Variants in TPO observed in about 807,000 individuals in gnomAD.
TPO encodes thyroid peroxidase, also known as thyroid microsomal antigen.
Under a neutral mutation model 96.9 loss-of-function variants are expected in TPO, and 78 were observed. The ratio of observed to expected loss-of-function variants is 0.81; its 90% CI spans 0.67 to 0.97. The LOEUF (loss-of-function observed/expected upper bound fraction) is 0.97, where lower values mean the gene tolerates loss of function less well. Ranked by LOEUF, TPO falls within the 50% of genes least tolerant of loss-of-function variation. TPO has a pLI of 0.00. For missense variants in TPO, 1,252 were observed against 1,274.8 expected (o/e 0.98, Z 0.27); for synonymous variants, 547 against 538.0 (o/e 1.02, Z -0.23).
At chr2:1,517,133 T>C (rs1380486157) in intron 15 of TPO, 151 bp downstream of exon 15, 2 of 789,950 alleles carry the variant, frequency 2.5e-6, no homozygotes, top group African/African-American at 1.7e-5. Flanking sequence ...TTGTACAACG[T>C]AATAGACTCT....
At chr2:1,523,650 A>C (rs1332406477) in intron 15 of TPO, among the ~76,000 whole-genome samples, 24 of 30,100 alleles carry the variant, frequency 8.0e-4, no homozygotes, top group Admixed American at 1.5e-3. Context: ...ATCACCCCCC[A>C]CTGTGTTCAA....
chr2:1,494,472 C>T (rs1281300618), intron 11 of TPO, among the ~76,000 whole-genome samples: 3 of 152,216 alleles, frequency 2.0e-5, no homozygotes, highest in African/African-American at 7.2e-5. Flanking sequence ...CAGGACTTCC[C>T]GGCCCCCCAG....
intron 15 of TPO, among the ~76,000 whole-genome samples, chr2:1,534,026 C>G (rs1264305522): frequency 1.2e-4 from 10 of 80,932 alleles, no homozygotes; most frequent in African/African-American, 3.5e-4. Flanking sequence ...CCCCCCCAAT[C>G]TGTGCAACCT....
intron 14 of TPO, among the ~76,000 whole-genome samples, chr2:1,509,974 G>C (rs965052876): frequency 2.6e-5 from 4 of 151,014 alleles, no homozygotes; most frequent in African/African-American, 9.8e-5. Flanking sequence ...ATACCCTCTC[G>C]TTTCAGGGAC....
intron 13 of TPO, among the ~76,000 whole-genome samples, chr2:1,497,729 T>C (rs1672498498): frequency 6.6e-6 from 1 of 152,078 alleles, no homozygotes; most frequent in South Asian, 2.1e-4. Context: ...AGAGGAAAGT[T>C]GGCATCAGAC....
At chr2:1,429,948 T>G (rs1664812778) in intron 3 of TPO, among the ~76,000 whole-genome samples, 1 of 152,188 alleles carries the variant, frequency 6.6e-6, no homozygotes, top group African/African-American at 2.4e-5. Flanking sequence ...GCTAGCCACT[T>G]GATAGAAAAC....
chr2:1,471,234 A>G (rs1394552819), intron 7 of TPO, among the ~76,000 whole-genome samples: 8 of 152,170 alleles, frequency 5.3e-5, no homozygotes, highest in Non-Finnish European at 1.5e-5. Context: ...CTGGGGTGGC[A>G]GATCTTTGGT....
rs138861563 is a variant in TPO at position 1,505,622 on chromosome 2, TA to T, written c.2518+1552del. ...TGTTGTTGTTTGTTTTTATTTCTTCTAAAAAAAAAGTGATAAATGATGTGAA... is the reference window on the plus strand; with the variant it reads ...TGTTGTTGTTTGTTTTTATTTCTTCTAAAAAAAAGTGATAAATGATGTGAA... On this transcript the variant is annotated intron_variant, in intron 14 of 16. Transcript: ENST00000329066. Among the ~76,000 whole-genome samples the T allele has an allele frequency of 6.9e-4, 104 of 149,960 alleles. 2 individuals are homozygous for T. Among genetic ancestry groups the T allele is most frequent in the East Asian group, 1.6e-3 (8 of 5,086 alleles).
chr2:1,494,480 C>T (rs28991275), intron 11 of TPO, among the ~76,000 whole-genome samples: 6,297 of 152,318 alleles, frequency 0.041, 174 homozygotes, highest in East Asian at 0.11. Context: ...CCCGGCCCCC[C>T]AGACCCCACC....
intron 7 of TPO, among the ~76,000 whole-genome samples, chr2:1,469,851 C>T (rs76218924): frequency 0.036 from 5,524 of 152,304 alleles, 149 homozygotes; most frequent in East Asian, 0.12. Flanking sequence ...CCGCTTTCTT[C>T]AGAGGGTCTG....
chr2:1,516,818 C>A, intron 14 of TPO, 65 bp from the exon 15 acceptor site: 1 of 1,490,390 alleles, frequency 6.7e-7, no homozygotes, highest in Non-Finnish European at 9.3e-7. Flanking sequence ...CAGACTCAGG[C>A]AGGACAACCT....
intron 1 of TPO, among the ~76,000 whole-genome samples, chr2:1,379,121 A>G (rs1406414775): frequency 1.3e-5 from 2 of 152,160 alleles, no homozygotes; most frequent in African/African-American, 4.8e-5. Flanking sequence ...CCTGGCCAAC[A>G]TGTCGAAACC....
rs146965150 is a variant in TPO at position 1,456,136 on chromosome 2, C to T, written c.673C>T (p.Arg225Cys). Residue 225 changes from arginine (R) to cysteine (C), a missense_variant, in exon 7 of 17, where the codon CGC becomes TGC. Transcript: ENST00000329066. ...AAATGAGGTTGTCACAGATGATGAC[C>T]GCTATTCTGACCTCCTGATGGCATG... The part of the protein sequence containing the change: ...VSNEVVTDDD[R>C]YSDLLMAWGQ... 107 of 1,613,884 alleles carry T rather than the reference C, an allele frequency of 6.6e-5. No individual in the cohort carries two copies. The highest frequency in any genetic ancestry group is 1.3e-4 in the African/African-American group (10 of 74,894).
intron 2 of TPO, among the ~76,000 whole-genome samples, chr2:1,420,624 G>A (rs1663417070): frequency 6.6e-6 from 1 of 152,168 alleles, no homozygotes; most frequent in Non-Finnish European, 1.5e-5. Flanking sequence ...TGGATTCTGA[G>A]GAAGACCTGC....
At chr2:1,446,699 A>G (rs1666860544) in intron 5 of TPO, among the ~76,000 whole-genome samples, 1 of 152,174 alleles carries the variant, frequency 6.6e-6, no homozygotes, top group Non-Finnish European at 1.5e-5. Flanking sequence ...AGTGAGAAAT[A>G]TGTTTTACAA....
chr2:1,405,961 A>G (rs1333522538), intron 1 of TPO, among the ~76,000 whole-genome samples: 2 of 152,262 alleles, frequency 1.3e-5, no homozygotes, highest in East Asian at 1.9e-4. Context: ...CAAATCAGCT[A>G]GAAAGAAAAC....
intron 1 of TPO, among the ~76,000 whole-genome samples, chr2:1,413,968 C>T (rs368866379): frequency 4.6e-5 from 7 of 152,164 alleles, no homozygotes; most frequent in Non-Finnish European, 1.0e-4. Context: ...ATTCAATAGG[C>T]ATTTAGGGGT....
At chr2:1,501,796 C>T (rs1028134361) in intron 13 of TPO, among the ~76,000 whole-genome samples, 3 of 152,090 alleles carry the variant, frequency 2.0e-5, no homozygotes, top group African/African-American at 2.4e-5. Context: ...CCCCGACTCC[C>T]GAGAGCCTGC....
At chr2:1,484,499 TG>T in intron 8 of TPO, 96 bp from the exon 9 acceptor site, 2 of 1,529,266 alleles carry the variant, frequency 1.3e-6, no homozygotes, top group Non-Finnish European at 1.8e-6. Flanking sequence ...TCCAGTTCCC[TG>T]GGGCTGTCAA....
Sources: allele counts gnomAD v4.1 joint callset (sites outside exome capture counted in the v4.1 genomes callset), GRCh38; gene constraint gnomAD v4.1.1; transcripts MANE v1.5; gene names NCBI Gene and HGNC (gene_info 2026-07-23, HGNC 2026-07-21).